The following CLMN variants were observed in gnomAD, a reference collection of about 807,000 sequenced individuals.
The protein encoded by CLMN is calmin (calponin-like, transmembrane).
A neutral mutation model predicts 92.7 loss-of-function variants in CLMN; 57 were observed. The ratio of observed to expected loss-of-function variants is 0.61; its 90% CI spans 0.50 to 0.77. CLMN has a LOEUF of 0.77. Among genes scored for constraint, CLMN ranks in the 30% least tolerant of loss-of-function variants. The pLI is 0.00. For missense variants in CLMN, 1,158 were observed against 1,237.5 expected (o/e 0.94, Z 0.96); for synonymous variants, 466 against 470.6 (o/e 0.99, Z 0.13).
chr14:95,240,474 C>A (rs1399726045), intron 1 of CLMN, among the ~76,000 whole-genome samples: 1 of 152,146 alleles, frequency 6.6e-6, no homozygotes, highest in Non-Finnish European at 1.5e-5. Flanking sequence ...CTCCATGGAC[C>A]TGGAGGGGAG....
At chr14:95,272,831 C>T (rs1899767525) in intron 1 of CLMN, among the ~76,000 whole-genome samples, 1 of 152,096 alleles carries the variant, frequency 6.6e-6, no homozygotes, top group Non-Finnish European at 1.5e-5. Flanking sequence ...AACGTTGGGG[C>T]CAAGATATTG....
chr14:95,275,442 C>T (rs933942747), intron 1 of CLMN, among the ~76,000 whole-genome samples: 4 of 152,190 alleles, frequency 2.6e-5, no homozygotes, highest in African/African-American at 9.6e-5. Context: ...AAGACACTCC[C>T]ACCAGCACCA....
At chr14:95,288,834 C>G (rs1900442865) in intron 1 of CLMN, among the ~76,000 whole-genome samples, 1 of 152,160 alleles carries the variant, frequency 6.6e-6, no homozygotes, top group Admixed American at 6.5e-5. Context: ...GGAGAACAGA[C>G]ATGGTACAGT....
intron 2 of CLMN, among the ~76,000 whole-genome samples, chr14:95,226,920 C>T (rs574328602): frequency 3.3e-5 from 5 of 152,334 alleles, no homozygotes; most frequent in African/African-American, 9.6e-5. Context: ...GCATGAATTT[C>T]CTGTTTACCT....
At chr14:95,214,605 G>GC (rs1260515894) in intron 5 of CLMN, among the ~76,000 whole-genome samples, 1 of 152,066 alleles carries the variant, frequency 6.6e-6, no homozygotes, top group Non-Finnish European at 1.5e-5. Context: ...TGCCGCCATG[G>GC]CCTCCCAAAG....
Position 95,191,958 on chromosome 14 carries a change from C to G in CLMN, c.2841-226G>C. 2.3e-6 allele frequency: 1 copy of G among 437,580 alleles called. No individual in the cohort carries two copies. The highest frequency in any genetic ancestry group is 5.9e-4 in the Middle Eastern group (1 of 1,704). The allele number at this position is 437,580 out of a possible 1,614,324, so 27.1% of individuals were successfully genotyped here. A position where few individuals can be genotyped will look rare whatever the true frequency, so the allele number is the denominator to read the frequency against. On this transcript the variant is annotated intron_variant, in intron 12 of 12. Coordinates refer to ENST00000298912, the MANE Select transcript of CLMN (RefSeq NM_024734.4). This position sits in a 1 kb window ranked among gnomAD's most constrained non-coding sequence, Gnocchi z 5.3. ...CTTTTGCACGTACTCCGTTCATCTC[C>G]ATAACATCAGGTGAGAGGAGGTGGC...
At chr14:95,223,614 T>C (rs1008177916) in intron 3 of CLMN, 146 bp downstream of exon 3, 5 of 575,342 alleles carry the variant, frequency 8.7e-6, no homozygotes, top group African/African-American at 3.8e-5. Flanking sequence ...CACATGACTA[T>C]ATGGCTTGTA....
At chr14:95,220,654 G>C (rs1376346105) in intron 4 of CLMN, among the ~76,000 whole-genome samples, 1 of 152,120 alleles carries the variant, frequency 6.6e-6, no homozygotes, top group Non-Finnish European at 1.5e-5. Flanking sequence ...GGGACTATTG[G>C]GAAGCAGAGC....
chr14:95,216,947 A>G (rs1384470482), intron 4 of CLMN, among the ~76,000 whole-genome samples: 1 of 152,200 alleles, frequency 6.6e-6, no homozygotes, highest in East Asian at 1.9e-4. Flanking sequence ...ATTCCAGTGC[A>G]TGCTCGGGTT....
Position 95,203,474 on chromosome 14 carries a change from C to T in CLMN, c.1875G>A (p.Lys625=). The change falls in exon 9 of 13, where the codon AAG becomes AAA. Residue 625 remains lysine, a synonymous_variant. Coordinates refer to ENST00000298912, the MANE Select transcript of CLMN (RefSeq NM_024734.4). ...KKKDSPEPQV[K]MDKHEPHQDS... is the part of the protein sequence containing the mutation. ...CCTGATGAGGTTCATGTTTGTCCAT[C>T]TTAACTTGAGGCTCTGGCGAATCCT... The T allele has an allele frequency of 6.2e-7, 1 of 1,614,156 alleles. No individual in the cohort carries two copies.
intron 1 of CLMN, among the ~76,000 whole-genome samples, chr14:95,276,145 A>C (rs1421878335): frequency 6.6e-6 from 1 of 152,182 alleles, no homozygotes; most frequent in Non-Finnish European, 1.5e-5. Context: ...AAAGGAAATC[A>C]ACTGCAGTCC....
In CLMN at chr14:95,197,735, C is replaced by A. The variant is rs114270165; in HGVS notation, c.2512-1041G>T. On this transcript the variant is annotated intron_variant, in intron 9 of 12. Coordinates refer to ENST00000298912, the MANE Select transcript of CLMN (RefSeq NM_024734.4). ...GGCTCCCGAGTGAAATGCAGGAGCA[C>A]GGTCATTGTTGGAGCCACGTCTCAA... 2.6e-5 allele frequency among the ~76,000 whole-genome samples: 4 copies of A among 152,260 alleles called. No homozygotes were observed. In the South Asian group the frequency reaches 8.3e-4, roughly 32 times the overall value.
chr14:95,235,503 C>T (rs775979148), intron 1 of CLMN, among the ~76,000 whole-genome samples: 3 of 152,202 alleles, frequency 2.0e-5, no homozygotes, highest in Admixed American at 6.5e-5. Flanking sequence ...CCACCACAGA[C>T]CCCAGGCTTA....
At chr14:95,270,830 C>T (rs1277516562) in intron 1 of CLMN, among the ~76,000 whole-genome samples, 6 of 152,106 alleles carry the variant, frequency 3.9e-5, no homozygotes, top group Non-Finnish European at 7.3e-5. Context: ...TGGGTATACA[C>T]CTAGGAGTAG....
At chr14:95,297,400 T>A (rs1900851067) in intron 1 of CLMN, among the ~76,000 whole-genome samples, 1 of 152,214 alleles carries the variant, frequency 6.6e-6, no homozygotes. Context: ...GCCTTTCCTG[T>A]GTACAGTTCT....
At chr14:95,317,409 A>C (rs1351780440) in intron 1 of CLMN, among the ~76,000 whole-genome samples, 1 of 152,180 alleles carries the variant, frequency 6.6e-6, no homozygotes, top group East Asian at 1.9e-4. Context: ...CTACAGTGCT[A>C]ATGCCCCCAA....
chr14:95,216,495 C>T (rs909425211), intron 4 of CLMN, among the ~76,000 whole-genome samples: 6 of 152,156 alleles, frequency 3.9e-5, no homozygotes, highest in Non-Finnish European at 7.4e-5. Flanking sequence ...TCATTCTTTT[C>T]CAAGAGAGAT....
chr14:95,309,588 G>A (rs558310349), intron 1 of CLMN, among the ~76,000 whole-genome samples: 6 of 152,308 alleles, frequency 3.9e-5, no homozygotes, highest in South Asian at 2.1e-4. Flanking sequence ...GGCTCAAGCC[G>A]GACTCTCCCT....
intron 9 of CLMN, 90 bp downstream of exon 9, chr14:95,202,748 A>G (rs1251632065): frequency 7.3e-7 from 1 of 1,372,396 alleles, no homozygotes; most frequent in East Asian, 2.4e-5. Flanking sequence ...CCTCATCGCT[A>G]TTTTATGGAG....
Sources: allele counts gnomAD v4.1 joint callset (sites outside exome capture counted in the v4.1 genomes callset), GRCh38; gene constraint gnomAD v4.1.1; non-coding constraint Gnocchi (gnomAD v3.1); transcripts MANE v1.5; gene names NCBI Gene and HGNC (gene_info 2026-07-23, HGNC 2026-07-21).